The following EXOC4 variants were observed in gnomAD, a reference collection of about 807,000 sequenced individuals.
EXOC4 encodes SEC8-like 1.
In EXOC4, 71 loss-of-function variants were observed where a neutral mutation model predicts 107.2. The observed-to-expected ratio is 0.66, with a 90% CI of 0.55 to 0.81. EXOC4 has a LOEUF of 0.81. Among genes scored for constraint, EXOC4 ranks in the 30% least tolerant of loss-of-function variants. The pLI is 0.00. For missense variants in EXOC4, 1,108 were observed against 1,189.6 expected (o/e 0.93, Z 1.01); for synonymous variants, 456 against 441.2 (o/e 1.03, Z -0.42).
At chr7:133,377,892 T>A (rs1301739073) in intron 7 of EXOC4, among the ~76,000 whole-genome samples, 1 of 152,140 alleles carries the variant, frequency 6.6e-6, no homozygotes, top group Non-Finnish European at 1.5e-5. Flanking sequence ...AAACAAAAAT[T>A]GTCAATCTAG....
At chr7:133,301,577 AC>A (rs1794641967) in intron 3 of EXOC4, among the ~76,000 whole-genome samples, 1 of 152,244 alleles carries the variant, frequency 6.6e-6, no homozygotes, top group African/African-American at 2.4e-5. Flanking sequence ...TTTGGATTCA[AC>A]AATGGCAATA....
intron 10 of EXOC4, among the ~76,000 whole-genome samples, chr7:133,773,373 C>G (rs1055597607): frequency 2.0e-5 from 3 of 151,968 alleles, no homozygotes; most frequent in Non-Finnish European, 2.9e-5. Flanking sequence ...CCCTGACCCA[C>G]TTAATGCCCT....
At chr7:134,030,741 TG>T (rs979173009) in intron 17 of EXOC4, among the ~76,000 whole-genome samples, 4 of 128,048 alleles carry the variant, frequency 3.1e-5, no homozygotes, top group African/African-American at 1.2e-4. Context: ...GATCAAAGGT[TG>T]GTTTCTGGAG....
chr7:133,521,388 G>A (rs1350548634), intron 9 of EXOC4, among the ~76,000 whole-genome samples: 2 of 151,888 alleles, frequency 1.3e-5, no homozygotes, highest in Admixed American at 6.6e-5. Context: ...TTAAAAATAC[G>A]TTCTTTTAAA....
chr7:133,396,626 G>T (rs759119716), intron 7 of EXOC4, among the ~76,000 whole-genome samples: 9 of 152,186 alleles, frequency 5.9e-5, no homozygotes, highest in Non-Finnish European at 1.3e-4. Flanking sequence ...CTAGAACTCA[G>T]TTCTAGTCCT....
intron 10 of EXOC4, among the ~76,000 whole-genome samples, chr7:133,795,407 T>A (rs184068902): frequency 5.3e-4 from 80 of 152,284 alleles, no homozygotes; most frequent in Middle Eastern, 3.4e-3. Context: ...ATGTTTCAGA[T>A]CCTTTTTAAG....
At chr7:134,014,520 A>G (rs1313214030) in intron 17 of EXOC4, among the ~76,000 whole-genome samples, 3 of 152,216 alleles carry the variant, frequency 2.0e-5, no homozygotes, top group African/African-American at 7.2e-5. Context: ...ATCTTGAAAC[A>G]TTATGTTAAA....
At chr7:133,625,202 G>A (rs934314867) in intron 9 of EXOC4, among the ~76,000 whole-genome samples, 1 of 152,156 alleles carries the variant, frequency 6.6e-6, no homozygotes, top group African/African-American at 2.4e-5. Context: ...TGTGAAATCA[G>A]TTAGATCGTT....
chr7:133,438,828 T>TG (rs1433518068), intron 7 of EXOC4, among the ~76,000 whole-genome samples: 34 of 152,350 alleles, frequency 2.2e-4, no homozygotes, highest in Non-Finnish European at 3.2e-4. Flanking sequence ...TTCCTGATCT[T>TG]GCAGTGCTTA....
intron 9 of EXOC4, among the ~76,000 whole-genome samples, chr7:133,562,042 C>T (rs1800814440): frequency 6.6e-6 from 1 of 152,170 alleles, no homozygotes; most frequent in South Asian, 2.1e-4. Flanking sequence ...CAGAAATATG[C>T]CATAACAACT....
At chr7:133,476,105 T>G (rs1299440055) in intron 8 of EXOC4, among the ~76,000 whole-genome samples, 1 of 152,160 alleles carries the variant, frequency 6.6e-6, no homozygotes, top group Non-Finnish European at 1.5e-5. Context: ...ATAATCTCAG[T>G]TAAACATACT....
chr7:134,092,933 A>G, the EXOC4 span, among the ~76,000 whole-genome samples: 1 of 151,770 alleles, frequency 6.6e-6, no homozygotes, highest in South Asian at 2.1e-4. Context: ...AAAAAAAAAA[A>G]AAAAAGGAAA....
intron 9 of EXOC4, among the ~76,000 whole-genome samples, chr7:133,481,584 T>C (rs140232364): frequency 2.6e-5 from 4 of 152,340 alleles, no homozygotes; most frequent in Admixed American, 6.5e-5. Flanking sequence ...TGTAAGTTTT[T>C]CCAAAGATGC....
At chr7:133,889,665 A>C (rs1246508933) in intron 11 of EXOC4, among the ~76,000 whole-genome samples, 1 of 110,210 alleles carries the variant, frequency 9.1e-6, no homozygotes, top group Non-Finnish European at 1.8e-5. Flanking sequence ...GAGTGAGAAT[A>C]TGCGGTGTTT....
chr7:133,657,725 T>C (rs1471257732), intron 10 of EXOC4, among the ~76,000 whole-genome samples: 1 of 152,168 alleles, frequency 6.6e-6, no homozygotes, highest in Non-Finnish European at 1.5e-5. Flanking sequence ...TGGTTTTTGC[T>C]CTTTGACACT....
intron 9 of EXOC4, among the ~76,000 whole-genome samples, chr7:133,594,787 C>T (rs974390158): frequency 6.6e-6 from 1 of 152,008 alleles, no homozygotes; most frequent in African/African-American, 2.4e-5. Context: ...CCAGTGCTCC[C>T]GGCCAAGTTT....
At chr7:133,804,673 C>T (rs1451833790) in intron 10 of EXOC4, among the ~76,000 whole-genome samples, 1 of 152,180 alleles carries the variant, frequency 6.6e-6, no homozygotes, top group Non-Finnish European at 1.5e-5. Context: ...TGAAATACTT[C>T]CAGTCTTTGA....
intron 7 of EXOC4, among the ~76,000 whole-genome samples, chr7:133,408,232 GAGGGA>G (rs1421003068): frequency 1.3e-5 from 2 of 150,864 alleles, no homozygotes; most frequent in Non-Finnish European, 3.0e-5. Context: ...GATGGGTGGG[GAGGGA>G]ATGATGTTGG....
At position 133,491,875 on chromosome 7, in the gene EXOC4, A is replaced by G. The variant is rs73148990; in HGVS notation, c.1417+11737A>G. Among the ~76,000 whole-genome samples the G allele has an allele frequency of 5.4e-3, 819 of 152,332 alleles. 8 individuals carry two copies. Among genetic ancestry groups the G allele is most frequent in the Non-Finnish European group, 6.2e-3 (425 of 68,034 alleles). The stretch of plus-strand genomic sequence containing the variant: ...CAAAGGAAGGGAACTCGCGGCAAGT[A>G]GGGAGAAGATGTGGATGAACACACA... On this transcript the variant is annotated intron_variant, in intron 9 of 17. Transcript: ENST00000253861.
Sources: allele counts gnomAD v4.1 joint callset (sites outside exome capture counted in the v4.1 genomes callset), GRCh38; gene constraint gnomAD v4.1.1; transcripts MANE v1.5; gene names NCBI Gene and HGNC (gene_info 2026-07-23, HGNC 2026-07-21).